HECW1: variants seen among roughly 807,000 people sequenced by gnomAD.
HECW1 encodes the protein E3 ubiquitin-protein ligase HECW1.
In HECW1, 61 loss-of-function variants were observed where a neutral mutation model predicts 182.3. The observed-to-expected ratio is 0.33, with a 90% confidence interval of 0.27 to 0.41. The LOEUF (loss-of-function observed/expected upper bound fraction) is 0.41, where lower values mean the gene tolerates loss of function less well. Among genes scored for constraint, HECW1 ranks in the 10% least tolerant of loss-of-function variants. The probability of loss-of-function intolerance (pLI) is 1.00; values close to 1 mark genes in which losing one functional copy is unlikely to be tolerated. For synonymous variants in HECW1, 859 were observed against 832.6 expected, an observed-to-expected ratio of 1.03 and a Z score of -0.55; for missense variants, 1,739 against 2,108.9, an observed-to-expected ratio of 0.82 and a Z score of 3.44.
chr7:43,450,724 C>G, intron 11 of HECW1, 104 bp from the exon 12 acceptor site: 2 of 728,360 alleles, frequency 2.7e-6, no homozygotes, highest in Admixed American at 3.9e-5. Flanking sequence ...ATTTCCCACT[C>G]TTTGGGGTTG....
chr7:43,329,454 A>G (rs1259225019), intron 5 of HECW1, among the ~76,000 whole-genome samples: 3 of 151,980 alleles, frequency 2.0e-5, no homozygotes, highest in Non-Finnish European at 4.4e-5. Flanking sequence ...AAAACAGGTG[A>G]GAAACAAAGA....
intron 2 of HECW1, among the ~76,000 whole-genome samples, chr7:43,232,713 G>T (rs995928395): frequency 2.0e-5 from 3 of 152,112 alleles, no homozygotes; most frequent in African/African-American, 2.4e-5. Flanking sequence ...CATTTAATTG[G>T]CCAAAGCCAG....
intron 8 of HECW1, among the ~76,000 whole-genome samples, chr7:43,429,865 C>A (rs1303024352): frequency 6.6e-6 from 1 of 152,194 alleles, no homozygotes; most frequent in African/African-American, 2.4e-5. Context: ...TATCTCGCTG[C>A]AAGAGAGGAG....
At chr7:43,207,746 G>C (rs1009676491) in intron 2 of HECW1, 1 of 152,032 alleles carries the variant, frequency 6.6e-6, no homozygotes, top group Non-Finnish European at 1.5e-5. Context: ...TTCTATTCCT[G>C]GCTTATTGTA....
At chr7:43,313,870 C>T (rs1416289217) in intron 4 of HECW1, among the ~76,000 whole-genome samples, 5 of 152,160 alleles carry the variant, frequency 3.3e-5, no homozygotes, top group African/African-American at 1.2e-4. Flanking sequence ...CCCACCCATT[C>T]GGACCTTCAT....
intron 24 of HECW1, among the ~76,000 whole-genome samples, chr7:43,519,546 G>A (rs1031773458): frequency 2.0e-5 from 3 of 152,110 alleles, no homozygotes; most frequent in Non-Finnish European, 4.4e-5. Context: ...GCCTGGCCTA[G>A]TGCAGACTTT....
In HECW1 at chr7:43,181,434, G is replaced by A. The variant is rs1424826335; in HGVS notation, c.-31-62441G>A. On this transcript the variant is annotated intron_variant, in intron 2 of 29. Transcript: ENST00000395891. ...GAACCTCAACACTGTTTTCCATAAT[G>A]GCTGTACAAATTTACACTTCCACCA... Among the ~76,000 whole-genome samples, 3 of 150,824 alleles carry A rather than the reference G, an allele frequency of 2.0e-5. No homozygotes were observed. The East Asian group carries it at 5.8e-4, about 29-fold the overall frequency.
intron 3 of HECW1, among the ~76,000 whole-genome samples, chr7:43,255,217 T>A (rs1800429552): frequency 6.6e-6 from 1 of 152,186 alleles, no homozygotes; most frequent in Non-Finnish European, 1.5e-5. Context: ...CAAAAGAGTT[T>A]GAAATAAAAA....
intron 2 of HECW1, among the ~76,000 whole-genome samples, chr7:43,234,415 C>T (rs1451052905): frequency 4.6e-5 from 7 of 152,184 alleles, no homozygotes; most frequent in Admixed American, 2.6e-4. Flanking sequence ...AACCCGGCCC[C>T]TTGTGACATC....
At chr7:43,204,235 A>C (rs567398428) in intron 2 of HECW1, among the ~76,000 whole-genome samples, 1 of 152,250 alleles carries the variant, frequency 6.6e-6, no homozygotes, top group South Asian at 2.1e-4. Context: ...TTTCAAAAGA[A>C]AGCTTGAAAC....
At chr7:43,502,799 G>A (rs1335617655) in intron 21 of HECW1, among the ~76,000 whole-genome samples, 1 of 152,164 alleles carries the variant, frequency 6.6e-6, no homozygotes, top group Non-Finnish European at 1.5e-5. Context: ...TCACATTGTT[G>A]TAGGTTTCAT....
In HECW1 at chr7:43,381,480, C is replaced by T. The variant is rs936703439; in HGVS notation, c.556-15334C>T. ...AGGACTACAGGCACATGCTACCATGCATGGCTAATTTTTTTTTTTTTTTTT... is the reference window on the plus strand; with the variant it reads ...AGGACTACAGGCACATGCTACCATGTATGGCTAATTTTTTTTTTTTTTTTT... On this transcript the variant is annotated intron_variant, in intron 6 of 29. Coordinates refer to ENST00000395891, the MANE Select transcript of HECW1 (RefSeq NM_015052.5). Among the ~76,000 whole-genome samples, 42 of 144,702 alleles carry T rather than the reference C, an allele frequency of 2.9e-4. 1 individual carries two copies. Among genetic ancestry groups the T allele is most frequent in the Admixed American group, 8.6e-4 (12 of 13,988 alleles). 94.9% of individuals were successfully genotyped at this position (144,702 alleles called of 152,430 possible).
At chr7:43,466,299 A>T in intron 14 of HECW1, 148 bp from the exon 15 acceptor site, 1 of 723,664 alleles carries the variant, frequency 1.4e-6, no homozygotes, top group Non-Finnish European at 2.3e-6. Flanking sequence ...TTCTTAACTG[A>T]CATACATAAA....
At chr7:43,352,548 G>A (rs1054428695) in intron 5 of HECW1, among the ~76,000 whole-genome samples, 1 of 152,164 alleles carries the variant, frequency 6.6e-6, no homozygotes, top group Non-Finnish European at 1.5e-5. Flanking sequence ...AAATCACCAA[G>A]AAAGGAGTTA....
chr7:43,344,668 T>C (rs1000982579), intron 5 of HECW1, among the ~76,000 whole-genome samples: 19 of 152,288 alleles, frequency 1.2e-4, no homozygotes, highest in Middle Eastern at 3.4e-3. Flanking sequence ...TCTGCTAGTA[T>C]CCTGTGTGTT....
intron 3 of HECW1, among the ~76,000 whole-genome samples, chr7:43,305,742 G>T (rs1417613036): frequency 6.6e-6 from 1 of 151,294 alleles, no homozygotes; most frequent in African/African-American, 2.4e-5. Context: ...GCGATTACAG[G>T]CGCCCGTCAC....
intron 3 of HECW1, among the ~76,000 whole-genome samples, chr7:43,278,040 C>A (rs895106363): frequency 6.6e-6 from 1 of 152,218 alleles, no homozygotes; most frequent in Admixed American, 6.5e-5. Context: ...TCCTGGTGGT[C>A]GCATCTACTC....
At chr7:43,508,280 TTTCAGGTA>T in intron 23 of HECW1, 149 bp downstream of exon 23, 2 of 577,578 alleles carry the variant, frequency 3.5e-6, no homozygotes, top group Non-Finnish European at 6.2e-6. Context: ...AGGTCCTTCT[TTTCAGGTA>T]TTGCCAAGCT....
chr7:43,504,747 C>G (rs2079509211), intron 21 of HECW1, among the ~76,000 whole-genome samples: 1 of 152,238 alleles, frequency 6.6e-6, no homozygotes, highest in African/African-American at 2.4e-5. Flanking sequence ...GCCTCCAACC[C>G]TCAGCACCCT....
Sources: allele counts gnomAD v4.1 joint callset (sites outside exome capture counted in the v4.1 genomes callset), GRCh38; gene constraint gnomAD v4.1.1; transcripts MANE v1.5; gene names NCBI Gene and HGNC (gene_info 2026-07-23, HGNC 2026-07-21).